MPHOSPH6: variants seen among roughly 807,000 people sequenced by gnomAD.
The protein encoded by MPHOSPH6 is M-phase phosphoprotein 6.
In MPHOSPH6, 25 loss-of-function variants were observed where a neutral mutation model predicts 21.8. The ratio of observed to expected loss-of-function variants is 1.15; its 90% CI spans 0.83 to 1.60. MPHOSPH6 has a LOEUF of 1.60. MPHOSPH6 is among the 40% of genes most tolerant of loss of function. The probability of loss-of-function intolerance (pLI) is 0.00; values close to 1 mark genes in which losing one functional copy is unlikely to be tolerated. For missense variants in MPHOSPH6, 269 were observed against 181.8 expected (o/e 1.48, Z -2.76); for synonymous variants, 84 against 56.5 (o/e 1.49, Z -2.18).
At chr16:82,163,144 G>A (rs1906658450) in intron 2 of MPHOSPH6, among the ~76,000 whole-genome samples, 1 of 152,166 alleles carries the variant, frequency 6.6e-6, no homozygotes, top group African/African-American at 2.4e-5. Flanking sequence ...ATGTCCAGAG[G>A]TCAGCCAAAT....
chr16:82,168,162 C>T (rs191906831), intron 1 of MPHOSPH6, among the ~76,000 whole-genome samples: 11 of 152,264 alleles, frequency 7.2e-5, no homozygotes, highest in Admixed American at 3.3e-4. Flanking sequence ...AGTTGCAACT[C>T]GGATATTTAG....
Position 82,149,405 on chromosome 16 carries a change from T to G in MPHOSPH6, c.256-2A>C. On this transcript the variant is annotated splice_acceptor_variant, in intron 3 of 4. Coordinates refer to ENST00000258169, the MANE Select transcript of MPHOSPH6 (RefSeq NM_005792.2). LOFTEE classifies it high-confidence loss of function. ...AGCATTCATCTGAAGCATCAATTTCTGAAAAATACACCAGTGCTGACCTTC... is the reference window on the plus strand; with the variant it reads ...AGCATTCATCTGAAGCATCAATTTCGGAAAAATACACCAGTGCTGACCTTC... The G allele has an allele frequency of 6.2e-7, 1 of 1,611,134 alleles. No homozygotes were observed. The highest frequency in any genetic ancestry group is 8.5e-7 in the Non-Finnish European group (1 of 1,179,792).
At position 82,148,695 on chromosome 16, in the gene MPHOSPH6, C is replaced by A. The variant is rs749176053; in HGVS notation, c.*36G>T. ...GCTCCAGATGCCCTGCTGACTTCCACCAAGCACCCCTGGGCCATCGCTTAA... is the reference window on the plus strand; with the variant it reads ...GCTCCAGATGCCCTGCTGACTTCCAACAAGCACCCCTGGGCCATCGCTTAA... On this transcript the variant is annotated 3_prime_UTR_variant, in exon 5 of 5. Transcript: ENST00000258169. The A allele has an allele frequency of 1.9e-6, 3 of 1,606,502 alleles. No homozygotes were observed. Among genetic ancestry groups the A allele is most frequent in the Non-Finnish European group, 2.6e-6 (3 of 1,175,966 alleles).
chr16:82,157,500 G>A (rs1466239252), intron 2 of MPHOSPH6, among the ~76,000 whole-genome samples: 1 of 152,250 alleles, frequency 6.6e-6, no homozygotes, highest in East Asian at 1.9e-4. Flanking sequence ...TGACTAGAAA[G>A]AGGGATGAAG....
chr16:82,168,131 T>TGTTTC (rs58515890), intron 1 of MPHOSPH6, among the ~76,000 whole-genome samples: 1 of 151,964 alleles, frequency 6.6e-6, no homozygotes, highest in Non-Finnish European at 1.5e-5. Flanking sequence ...GGTGGACATT[T>TGTTTC]AAGTTAATTT....
Position 82,160,420 on chromosome 16 carries a change from C to T in MPHOSPH6, c.164+3662G>A, listed in dbSNP as rs537442174. Among the ~76,000 whole-genome samples, 12 of 152,314 alleles carry T rather than the reference C, an allele frequency of 7.9e-5. No individual in the cohort carries two copies. The South Asian group carries it at 2.5e-3, about 32-fold the overall frequency. On this transcript the variant is annotated intron_variant, in intron 2 of 4. Transcript: ENST00000258169. Reference sequence around the variant, plus strand: ...TTAGAAAACCCTTCTCAGTGGGTCTCACATTCCTGCACATTTTTTGAGTGA... The same window carrying T: ...TTAGAAAACCCTTCTCAGTGGGTCTTACATTCCTGCACATTTTTTGAGTGA...
intron 3 of MPHOSPH6, among the ~76,000 whole-genome samples, chr16:82,149,930 G>A (rs1053922149): frequency 1.3e-5 from 2 of 151,538 alleles, no homozygotes; most frequent in Admixed American, 6.6e-5. Context: ...AGTGGATAAT[G>A]CATCCCATGT....
intron 3 of MPHOSPH6, among the ~76,000 whole-genome samples, chr16:82,149,737 G>C (rs926854966): frequency 2.0e-5 from 3 of 152,110 alleles, no homozygotes; most frequent in African/African-American, 7.2e-5. Flanking sequence ...TAAACTTTCA[G>C]ATTTTCCCTG....
intron 1 of MPHOSPH6, 44 bp downstream of exon 1, chr16:82,170,080 CG>C: frequency 6.4e-7 from 1 of 1,563,308 alleles, no homozygotes; most frequent in Non-Finnish European, 8.7e-7. Context: ...TTGGAAGGAC[CG>C]GGTGCCCCTA....
chr16:82,160,054 A>G (rs1483326319), intron 2 of MPHOSPH6, among the ~76,000 whole-genome samples: 1 of 152,196 alleles, frequency 6.6e-6, no homozygotes, highest in Non-Finnish European at 1.5e-5. Flanking sequence ...CAACCTCCAG[A>G]GGTCAGGACT....
Position 82,170,220 on chromosome 16 carries a change from C to T in MPHOSPH6, c.-45G>A, listed in dbSNP as rs1191390789. On this transcript the variant is annotated 5_prime_UTR_variant, in exon 1 of 5. Coordinates refer to ENST00000258169, the MANE Select transcript of MPHOSPH6 (RefSeq NM_005792.2). Reference sequence around the variant, plus strand: ...CGCACTCCGGCCGCGAGCCTCACCGCACATGCGCGGAGCCGCGTGCGCAGC... The same window carrying T: ...CGCACTCCGGCCGCGAGCCTCACCGTACATGCGCGGAGCCGCGTGCGCAGC... 1.3e-6 allele frequency: 2 copies of T among 1,555,516 alleles called. No individual in the cohort carries two copies. The highest frequency in any genetic ancestry group is 2.3e-5 in the South Asian group (2 of 85,306).
At chr16:82,161,660 G>C (rs569799666) in intron 2 of MPHOSPH6, among the ~76,000 whole-genome samples, 3 of 152,280 alleles carry the variant, frequency 2.0e-5, no homozygotes, top group Non-Finnish European at 4.4e-5. Flanking sequence ...TGCCCTTCTA[G>C]GAAAACAGAG....
In MPHOSPH6 at chr16:82,148,458, C is replaced by T. The variant is rs1906151627; in HGVS notation, c.*273G>A. On this transcript the variant is annotated 3_prime_UTR_variant, in exon 5 of 5. Coordinates refer to ENST00000258169, the MANE Select transcript of MPHOSPH6 (RefSeq NM_005792.2). ...GACTGGAGAACTATATTAAGAGAAACCTGAGGTAAAAAAAATCTTTAGGAA... is the reference window on the plus strand; with the variant it reads ...GACTGGAGAACTATATTAAGAGAAATCTGAGGTAAAAAAAATCTTTAGGAA... 3.3e-6 allele frequency: 1 copy of T among 303,980 alleles called. No homozygotes were observed. The highest frequency in any genetic ancestry group is 6.0e-6 in the Non-Finnish European group (1 of 167,888). The allele number at this position is 303,980 out of a possible 1,614,324, so 18.8% of individuals were successfully genotyped here.
chr16:82,154,619 A>G (rs1266539656), intron 2 of MPHOSPH6, among the ~76,000 whole-genome samples: 1 of 152,150 alleles, frequency 6.6e-6, no homozygotes, highest in Non-Finnish European at 1.5e-5. Context: ...AGAGACTGCA[A>G]AAAAACACCA....
chr16:82,165,144 T>TTTTTAGG (rs1555540871), intron 1 of MPHOSPH6, among the ~76,000 whole-genome samples: 1 of 108,626 alleles, frequency 9.2e-6, no homozygotes, highest in Non-Finnish European at 1.9e-5. Flanking sequence ...TTTTTTTTTT[T>TTTTTAGG]TGAGACAGAG....
intron 1 of MPHOSPH6, among the ~76,000 whole-genome samples, chr16:82,169,845 C>A (rs1443055875): frequency 1.3e-5 from 2 of 152,194 alleles, no homozygotes; most frequent in African/African-American, 4.8e-5. Context: ...AGGTCCCCAG[C>A]GCTTCTACCC....
At chr16:82,157,487 G>C (rs2142410281) in intron 2 of MPHOSPH6, among the ~76,000 whole-genome samples, 1 of 152,358 alleles carries the variant, frequency 6.6e-6, no homozygotes, top group East Asian at 1.9e-4. Flanking sequence ...GCAGGAGTGA[G>C]ACTGACTAGA....
At chr16:82,162,795 G>C (rs746849842) in intron 2 of MPHOSPH6, among the ~76,000 whole-genome samples, 1 of 152,084 alleles carries the variant, frequency 6.6e-6, no homozygotes, top group Non-Finnish European at 1.5e-5. Flanking sequence ...ATGGCAAAAA[G>C]GCATTATTTA....
At chr16:82,157,099 C>T (rs547038144) in intron 2 of MPHOSPH6, among the ~76,000 whole-genome samples, 18 of 151,850 alleles carry the variant, frequency 1.2e-4, no homozygotes, top group African/African-American at 4.1e-4. Context: ...TGGAAACAAC[C>T]CAATCATGAG....
Sources: gnomAD v4.1 joint callset for allele counts (sites outside exome capture counted in the v4.1 genomes callset) on GRCh38, gnomAD v4.1.1 for gene constraint, MANE v1.5 for transcripts, NCBI Gene and HGNC (gene_info 2026-07-23, HGNC 2026-07-21) for gene names.